ELL: variants seen among roughly 807,000 people sequenced by gnomAD.
ELL encodes elongation factor for RNA polymerase II.
A neutral mutation model predicts 64.0 loss-of-function variants in ELL; 18 were observed. The observed-to-expected ratio is 0.28, with a 90% CI of 0.19 to 0.42. ELL has a LOEUF of 0.42. ELL is among the 10% of genes least tolerant of loss of function. The pLI, the probability that ELL is intolerant of heterozygous loss-of-function variation, is 1.00. For missense variants in ELL, 797 were observed against 870.4 expected, an observed-to-expected ratio of 0.92 and a Z score of 1.06; for synonymous variants, 399 against 376.2, an observed-to-expected ratio of 1.06 and a Z score of -0.70.
chr19:18,482,717 G>C (rs183711358), intron 1 of ELL, among the ~76,000 whole-genome samples: 1 of 151,896 alleles, frequency 6.6e-6, no homozygotes, highest in Admixed American at 6.6e-5. Context: ...TTTCTTTTAT[G>C]GGTGGGTCTT....
chr19:18,472,962 G>A (rs1388596168), intron 1 of ELL, 80 bp from the exon 2 acceptor site: 2 of 1,450,340 alleles, frequency 1.4e-6, no homozygotes, highest in African/African-American at 1.4e-5. Context: ...TCCCTCCCCA[G>A]GTATAGAAGG....
chr19:18,446,952 G>C, intron 8 of ELL, 138 bp from the exon 9 acceptor site: 1 of 953,472 alleles, frequency 1.0e-6, no homozygotes, highest in Non-Finnish European at 1.6e-6. Context: ...GGGGATGACT[G>C]TGTGGCAGGT....
At chr19:18,508,654 C>A (rs1450077294) in intron 1 of ELL, among the ~76,000 whole-genome samples, 1 of 152,242 alleles carries the variant, frequency 6.6e-6, no homozygotes, top group Non-Finnish European at 1.5e-5. Flanking sequence ...CAGCTGGACA[C>A]CCTAGACCAG....
chr19:18,458,019 G>A (rs1026377260), intron 6 of ELL, among the ~76,000 whole-genome samples, 186 bp downstream of exon 6: 1 of 152,140 alleles, frequency 6.6e-6, no homozygotes, highest in South Asian at 2.1e-4. Context: ...CCCCCACCAC[G>A]GGACACCCTG....
chr19:18,481,561 A>C (rs1975300359), intron 1 of ELL, among the ~76,000 whole-genome samples: 1 of 152,180 alleles, frequency 6.6e-6, no homozygotes, highest in African/African-American at 2.4e-5. Flanking sequence ...AATGCAGGGT[A>C]ACCTCCCCAT....
intron 5 of ELL, 38 bp from the exon 6 acceptor site, chr19:18,458,367 TGA>T (rs750224144): frequency 3.1e-6 from 5 of 1,595,784 alleles, no homozygotes; most frequent in Admixed American, 3.4e-5. Context: ...GTGGGAATCC[TGA>T]GAGAGACGGG....
In ELL at chr19:18,451,588, G is replaced by A. The variant is rs1344574601; in HGVS notation, c.930C>T (p.Pro310=). 1.3e-6 allele frequency: 2 copies of A among 1,497,062 alleles called. No homozygotes were observed. The highest frequency in any genetic ancestry group is 8.8e-7 in the Non-Finnish European group (1 of 1,131,312). The allele number at this position is 1,497,062 out of a possible 1,614,324, so 92.7% of individuals were successfully genotyped here. The change falls in exon 7 of 12, where the codon CCC becomes CCT. Residue 310 remains proline (P), a synonymous_variant. Transcript: ENST00000262809. ...AGGCCGAGCGCCCACGCTCGCCTGGGGGGCTGGAGGCAGCAGGGTCTCCAA... is the reference window on the plus strand; with the variant it reads ...AGGCCGAGCGCCCACGCTCGCCTGGAGGGCTGGAGGCAGCAGGGTCTCCAA... ...SLLGDPAASS[P]PGERGRSASP...
At chr19:18,463,079 TC>T (rs1388932793) in intron 4 of ELL, among the ~76,000 whole-genome samples, 2 of 152,162 alleles carry the variant, frequency 1.3e-5, no homozygotes, top group Non-Finnish European at 2.9e-5. Context: ...GTGCCTCAAA[TC>T]CTTCCCCCAA....
chr19:18,489,942 C>T (rs780589973), intron 1 of ELL, among the ~76,000 whole-genome samples: 42 of 152,132 alleles, frequency 2.8e-4, no homozygotes, highest in Admixed American at 5.2e-4. Flanking sequence ...GGCCCAGACG[C>T]GCACTGAGCA....
Position 18,522,017 on chromosome 19 carries a change from C to T in ELL, c.39G>A (p.Ser13=), listed in dbSNP as rs534567942. 4.3e-6 allele frequency: 7 copies of T among 1,610,826 alleles called. No homozygotes were observed. In the Admixed American group the frequency reaches 1.0e-4, roughly 23 times the overall value. Residue 13 remains serine (S), a synonymous_variant, in exon 1 of 12, where the codon TCG becomes TCA. Coordinates refer to ENST00000262809, the MANE Select transcript of ELL (RefSeq NM_006532.4). ...ALKEDRSYGL[S]CGRVSDGSKV... ...TGCTGCCGTCGCTAACCCGCCCGCA[C>T]GACAGCCCGTAGCTCCTATCCTCCT...
intron 1 of ELL, among the ~76,000 whole-genome samples, chr19:18,495,603 GC>G (rs1352296452): frequency 6.6e-6 from 1 of 152,226 alleles, no homozygotes; most frequent in African/African-American, 2.4e-5. Context: ...CCGAGAGCCT[GC>G]GGAGACAGGG....
chr19:18,488,952 TG>T (rs1350505385), intron 1 of ELL, among the ~76,000 whole-genome samples: 1 of 152,222 alleles, frequency 6.6e-6, no homozygotes, highest in African/African-American at 2.4e-5. Context: ...ACCAGAGTCC[TG>T]AACTGAAGCT....
At chr19:18,486,084 G>A (rs1286288964) in intron 1 of ELL, among the ~76,000 whole-genome samples, 1 of 152,112 alleles carries the variant, frequency 6.6e-6, no homozygotes. Flanking sequence ...CTCCCTGAGA[G>A]CACAGCCACC....
chr19:18,468,945 T>A (rs889956459), intron 2 of ELL, among the ~76,000 whole-genome samples: 13 of 152,274 alleles, frequency 8.5e-5, no homozygotes, highest in African/African-American at 2.9e-4. Context: ...CAACCTTGCT[T>A]CTCTGTGGGT....
At chr19:18,457,119 G>C (rs564674935) in intron 6 of ELL, among the ~76,000 whole-genome samples, 90 of 152,288 alleles carry the variant, frequency 5.9e-4, no homozygotes, top group Middle Eastern at 3.4e-3. Context: ...GAGTGCCAAG[G>C]GGCTGGCATG....
chr19:18,444,914 C>A, intron 11 of ELL, 46 bp from the exon 12 acceptor site: 1 of 1,562,826 alleles, frequency 6.4e-7, no homozygotes, highest in Non-Finnish European at 8.7e-7. Flanking sequence ...GCCCTGGGTG[C>A]TGCTCCCCGC....
chr19:18,510,852 T>C (rs1357156181), intron 1 of ELL, among the ~76,000 whole-genome samples: 1 of 152,186 alleles, frequency 6.6e-6, no homozygotes, highest in African/African-American at 2.4e-5. Flanking sequence ...CCGGGAGCAG[T>C]GTCTCACACC....
chr19:18,486,651 A>G (rs528499360), intron 1 of ELL, among the ~76,000 whole-genome samples: 20 of 152,276 alleles, frequency 1.3e-4, no homozygotes, highest in African/African-American at 4.8e-4. Flanking sequence ...ACAGCTCCGC[A>G]CCGGACTCGG....
intron 1 of ELL, among the ~76,000 whole-genome samples, chr19:18,490,897 G>A (rs989455088): frequency 3.9e-5 from 6 of 152,074 alleles, no homozygotes; most frequent in Admixed American, 2.0e-4. Flanking sequence ...CTCTCTCCCC[G>A]GTCTCACACA....
Sources: gnomAD v4.1 joint callset for allele counts (sites outside exome capture counted in the v4.1 genomes callset) on GRCh38, gnomAD v4.1.1 for gene constraint, MANE v1.5 for transcripts, NCBI Gene and HGNC (gene_info 2026-07-23, HGNC 2026-07-21) for gene names.